Variants in ANKRD17 observed in about 807,000 individuals in gnomAD.
The protein encoded by ANKRD17 is ankyrin repeat domain 17.
In ANKRD17, 19 loss-of-function variants were observed where a neutral mutation model predicts 229.7. That is an observed-to-expected ratio of 0.08 (90% CI 0.06 to 0.12). The LOEUF is 0.12. Among genes scored for constraint, ANKRD17 ranks in the 10% least tolerant of loss-of-function variants. ANKRD17 has a pLI of 1.00. For missense variants in ANKRD17, 2,176 were observed against 3,176.8 expected (o/e 0.68, Z 7.57); for synonymous variants, 1,112 against 1,146.1 (o/e 0.97, Z 0.60).
chr4:73,135,524 A>G (rs1434645523), intron 15 of ANKRD17, among the ~76,000 whole-genome samples: 2 of 152,178 alleles, frequency 1.3e-5, no homozygotes, highest in East Asian at 1.9e-4. Context: ...TAAAACCTTA[A>G]TTCAAAATAA....
intron 22 of ANKRD17, among the ~76,000 whole-genome samples, chr4:73,117,392 T>A (rs920125624): frequency 6.6e-6 from 1 of 152,206 alleles, no homozygotes. Context: ...GGATTTCAAA[T>A]GATTTCAGAA....
At chr4:73,169,770 G>C (rs761373833) in intron 2 of ANKRD17, among the ~76,000 whole-genome samples, 4 of 152,202 alleles carry the variant, frequency 2.6e-5, no homozygotes, top group Non-Finnish European at 4.4e-5. Context: ...GTAAGACGGA[G>C]AGCATAGCAA....
Position 73,091,672 on chromosome 4 carries a change from T to C in ANKRD17, c.5956A>G (p.Asn1986Asp). 6.2e-7 allele frequency: 1 copy of C among 1,614,164 alleles called. No individual in the cohort carries two copies. The highest frequency in any genetic ancestry group is 8.5e-7 in the Non-Finnish European group (1 of 1,180,032). Residue 1986 changes from asparagine (N) to aspartate (D), a missense_variant, in exon 29 of 34, where the codon AAT becomes GAT. Transcript: ENST00000358602. Reference sequence around the variant, plus strand: ...ACAGAAGGTGAACTTGGACTGCCATTTGTAGATGTACCAGGCACCGTTGAA... The same window carrying C: ...ACAGAAGGTGAACTTGGACTGCCATCTGTAGATGTACCAGGCACCGTTGAA... ...SASTVPGTST[N>D]GSPSSPSVRR... is the part of the protein sequence containing the mutation.
chr4:73,122,047 T>C (rs1726809133), intron 18 of ANKRD17, among the ~76,000 whole-genome samples: 2 of 152,190 alleles, frequency 1.3e-5, no homozygotes, highest in South Asian at 4.1e-4. Context: ...TAATATTTGT[T>C]ATTTCACCAC....
At chr4:73,160,772 G>C (rs1732423305) in intron 3 of ANKRD17, among the ~76,000 whole-genome samples, 2 of 152,026 alleles carry the variant, frequency 1.3e-5, no homozygotes, top group Non-Finnish European at 2.9e-5. Flanking sequence ...TAAATAAAAA[G>C]CCTTACTCTT....
chr4:73,208,688 G>A (rs1739840044), intron 1 of ANKRD17, among the ~76,000 whole-genome samples: 1 of 151,946 alleles, frequency 6.6e-6, no homozygotes, highest in African/African-American at 2.4e-5. Flanking sequence ...AGAAATCCAG[G>A]GGAAATTAGA....
At chr4:73,130,578 A>C (rs1728066490) in intron 16 of ANKRD17, among the ~76,000 whole-genome samples, 1 of 151,744 alleles carries the variant, frequency 6.6e-6, no homozygotes, top group African/African-American at 2.4e-5. Context: ...AATTATTAAA[A>C]AGTGAAAGAA....
At chr4:73,086,950 A>ATATATATATATC (rs1395320739) in intron 29 of ANKRD17, among the ~76,000 whole-genome samples, 1 of 94,202 alleles carries the variant, frequency 1.1e-5, no homozygotes, top group African/African-American at 4.2e-5. Context: ...ATATATATAT[A>ATATATATATATC]TATCTGTAGG....
At chr4:73,171,138 T>C (rs1400049792) in intron 2 of ANKRD17, among the ~76,000 whole-genome samples, 1 of 136,198 alleles carries the variant, frequency 7.3e-6, no homozygotes, top group Non-Finnish European at 1.5e-5. Flanking sequence ...ACAGGGGTAC[T>C]TGTGTCACCC....
intron 1 of ANKRD17, among the ~76,000 whole-genome samples, chr4:73,248,015 C>T (rs928816526): frequency 6.6e-6 from 1 of 151,972 alleles, no homozygotes; most frequent in African/African-American, 2.4e-5. Flanking sequence ...ATATGTAACG[C>T]TATATTTAAA....
At chr4:73,102,242 C>T (rs1468611791) in intron 25 of ANKRD17, 134 bp downstream of exon 25, 3 of 890,328 alleles carry the variant, frequency 3.4e-6, no homozygotes, top group South Asian at 2.0e-5. Flanking sequence ...GGATTACGGG[C>T]GTGAGCCACT....
At chr4:73,230,027 TA>T in intron 1 of ANKRD17, among the ~76,000 whole-genome samples, 1 of 152,264 alleles carries the variant, frequency 6.6e-6, no homozygotes, top group South Asian at 2.1e-4. Flanking sequence ...TAAAAAGCAC[TA>T]AACAGTTTCT....
intron 1 of ANKRD17, among the ~76,000 whole-genome samples, chr4:73,257,255 A>G (rs1745531328): frequency 6.6e-6 from 1 of 152,236 alleles, no homozygotes; most frequent in Admixed American, 6.5e-5. Flanking sequence ...AATAACTAGT[A>G]AAGCTAACTC....
At chr4:73,179,181 T>C (rs1735115131) in intron 1 of ANKRD17, among the ~76,000 whole-genome samples, 5 of 151,904 alleles carry the variant, frequency 3.3e-5, no homozygotes, top group Admixed American at 3.3e-4. Context: ...AGAAATAATA[T>C]GTTTCTCTAC....
intron 1 of ANKRD17, among the ~76,000 whole-genome samples, chr4:73,204,832 A>G (rs978160649): frequency 3.9e-5 from 6 of 152,196 alleles, no homozygotes; most frequent in Non-Finnish European, 7.3e-5. Flanking sequence ...ATATATTACA[A>G]GCACTAGAAC....
rs536329641 is a variant in ANKRD17, at chr4:73,078,249, C to G, written c.7408+393G>C. ...AAAATTAGCCGGGCGTGGTGGCGGG[C>G]GCCTGTAGTCTCAGCTACTTGGGAG... On this transcript the variant is annotated intron_variant, in intron 31 of 33. Transcript: ENST00000358602. Among the ~76,000 whole-genome samples the G allele has an allele frequency of 2.0e-5, 3 of 152,148 alleles. No homozygotes were observed. In the East Asian group the frequency reaches 5.8e-4, roughly 29 times the overall value.
At chr4:73,086,708 C>G (rs1722161370) in intron 29 of ANKRD17, among the ~76,000 whole-genome samples, 2 of 150,508 alleles carry the variant, frequency 1.3e-5, no homozygotes, top group Admixed American at 1.3e-4. Flanking sequence ...CTTGCCTCAG[C>G]CTCCTGAGTA....
intron 16 of ANKRD17, among the ~76,000 whole-genome samples, chr4:73,128,040 C>T (rs1055947202): frequency 6.6e-6 from 1 of 152,176 alleles, no homozygotes; most frequent in Non-Finnish European, 1.5e-5. Flanking sequence ...GGGAGAGATG[C>T]ACCAACTACA....
intron 1 of ANKRD17, among the ~76,000 whole-genome samples, chr4:73,197,692 C>T (rs184211709): frequency 6.6e-6 from 1 of 151,716 alleles, no homozygotes; most frequent in South Asian, 2.1e-4. Context: ...TTTAATCAGC[C>T]GGGCATACGA....
Sources: gnomAD v4.1 joint callset for allele counts (sites outside exome capture counted in the v4.1 genomes callset) on GRCh38, gnomAD v4.1.1 for gene constraint, MANE v1.5 for transcripts, NCBI Gene and HGNC (gene_info 2026-07-23, HGNC 2026-07-21) for gene names.